The following MIOX variants were observed in gnomAD, a reference collection of about 807,000 sequenced individuals.
The protein encoded by MIOX is inositol oxygenase.
MIOX carries 51 observed loss-of-function variants against 42.7 expected under a neutral mutation model. The ratio of observed to expected loss-of-function variants is 1.19; its 90% CI spans 0.95 to 1.51. The LOEUF is 1.51. Among genes scored for constraint, MIOX ranks in the 40% most tolerant of loss-of-function variants. The pLI, the probability that MIOX is intolerant of heterozygous loss-of-function variation, is 0.00. For synonymous variants in MIOX, 168 were observed against 154.4 expected (o/e 1.09, Z -0.65); for missense variants, 395 against 381.3 (o/e 1.04, Z -0.30).
At chr22:50,489,332 G>C (rs551501349) in intron 7 of MIOX, 37 bp downstream of exon 7, 1 of 1,472,870 alleles carries the variant, frequency 6.8e-7, no homozygotes, top group African/African-American at 1.4e-5. Context: ...GGTGGGGGGC[G>C]GTGGGGGACG....
At chr22:50,488,187 C>T in intron 4 of MIOX, 88 bp from the exon 5 acceptor site, 2 of 1,593,744 alleles carry the variant, frequency 1.3e-6, no homozygotes, top group Non-Finnish European at 1.7e-6. Context: ...AGGCCCTGGA[C>T]CCTTCCTGGC....
intron 3 of MIOX, 57 bp from the exon 4 acceptor site, chr22:50,487,829 G>T (rs1168025607): frequency 3.7e-6 from 6 of 1,611,838 alleles, no homozygotes; most frequent in Non-Finnish European, 4.2e-6. Flanking sequence ...GGGATGGAGA[G>T]GCCTGTGTGG....
chr22:50,488,435 G>A lies in MIOX; in HGVS notation c.408+93G>A, dbSNP rs980727723. 1.2e-5 allele frequency: 13 copies of A among 1,088,498 alleles called. No homozygotes were observed. In the South Asian group the frequency reaches 1.9e-4, roughly 16 times the overall value. 67.4% of individuals were successfully genotyped at this position (1,088,498 alleles called of 1,614,324 possible). On this transcript the variant is annotated intron_variant, in intron 5 of 9. Coordinates refer to ENST00000216075, the MANE Select transcript of MIOX (RefSeq NM_017584.6). Reference sequence around the variant, plus strand: ...TGCTTGGCCTGGGATACTACCTGGGGGACAGGCCAGTGCACCCCCCACGGC... The same window carrying A: ...TGCTTGGCCTGGGATACTACCTGGGAGACAGGCCAGTGCACCCCCCACGGC...
Position 50,487,921 on chromosome 22 carries a change from G to T in MIOX, c.213G>T (p.Met71Ile), listed in dbSNP as rs747157778. 3.5e-5 allele frequency: 57 copies of T among 1,613,890 alleles called. 1 individual carries two copies. The highest frequency in any genetic ancestry group is 4.7e-5 in the Non-Finnish European group (56 of 1,179,936). Residue 71 changes from methionine to isoleucine, a missense_variant, in exon 4 of 10, where the codon ATG becomes ATT. Coordinates refer to ENST00000216075, the MANE Select transcript of MIOX (RefSeq NM_017584.6). ...AQFGGFSYKK[M>I]TVMEAVDLLD... ...TTGGGGGCTTCTCCTACAAGAAAAT[G>T]ACAGTCATGGAGGCCGTGGACCTGC...
At position 50,489,998 on chromosome 22, in the gene MIOX, C is replaced by A. The variant is rs761279314; in HGVS notation, c.*142C>A. 3 of 681,746 alleles carry A rather than the reference C, an allele frequency of 4.4e-6. No individual in the cohort carries two copies. Among genetic ancestry groups the A allele is most frequent in the Admixed American group, 2.6e-5 (1 of 38,200 alleles). The allele number at this position is 681,746 out of a possible 1,614,324, so 42.2% of individuals were successfully genotyped here. A position where few individuals can be genotyped will look rare whatever the true frequency, so the allele number is the denominator to read the frequency against. On this transcript the variant is annotated 3_prime_UTR_variant, in exon 10 of 10. Transcript: ENST00000216075. ...ACCCCCTTAGGGTCGCCACCCCTCA[C>A]GGCAACTTGTGCCTGGCGTCAATAA... is the stretch of plus-strand genomic sequence containing the variant.
At position 50,489,052 on chromosome 22, in the gene MIOX, G is replaced by A. The variant is rs757707616; in HGVS notation, c.421G>A (p.Gly141Ser). ...TGTCCCTCTGCAGTGGGCTGTCGTC[G>A]GCGACACCTTCCCCGTCGGATGCCG... ...LFGEPQWAVVGDTFPVGCRPQ... is the reference protein window; with the variant it reads ...LFGEPQWAVVSDTFPVGCRPQ... Residue 141 changes from glycine (G) to serine (S), a missense_variant, in exon 6 of 10, where the codon GGC becomes AGC. Transcript: ENST00000216075. The A allele has an allele frequency of 9.4e-5, 151 of 1,609,410 alleles. No homozygotes were observed. Among genetic ancestry groups the A allele is most frequent in the Middle Eastern group, 1.6e-4 (1 of 6,082 alleles).
Position 50,489,883 on chromosome 22 carries a change from G to T in MIOX, c.*27G>T, listed in dbSNP as rs202149960. On this transcript the variant is annotated 3_prime_UTR_variant, in exon 10 of 10. Transcript: ENST00000216075. ...CCTCCTGCCACCCAAGCTGCTGCTG[G>T]ACCTAGGCCTGGCCCTCCGCCTGCC... 8 of 1,599,180 alleles carry T rather than the reference G, an allele frequency of 5.0e-6. No individual in the cohort carries two copies. In the African/African-American group the frequency reaches 9.4e-5, roughly 19 times the overall value.
chr22:50,487,124 CGT>C (rs1257145670), intron 1 of MIOX, among the ~76,000 whole-genome samples: 1 of 152,228 alleles, frequency 6.6e-6, no homozygotes, highest in Non-Finnish European at 1.5e-5. Context: ...GCCGCTCAGG[CGT>C]GGTGTCCCCT....
rs1476058008 is a variant in MIOX at position 50,487,472 on chromosome 22, A to G, written c.96+7A>G. The G allele has an allele frequency of 6.2e-7, 1 of 1,611,212 alleles. No individual in the cohort carries two copies. The highest frequency in any genetic ancestry group is 1.3e-5 in the African/African-American group (1 of 74,762). The stretch of plus-strand genomic sequence containing the variant: ...CAGCTTCCGGAACTACACGGTGAGT[A>G]CCTTGCCGTCCTGCCCCCCTTCTCC... On this transcript the variant is annotated splice_region_variant and intron_variant, in intron 2 of 9. Coordinates refer to ENST00000216075, the MANE Select transcript of MIOX (RefSeq NM_017584.6).
rs200973608 is a variant in MIOX, at chr22:50,489,750, A to G, written c.752A>G (p.Lys251Arg). ...AMLPWVREFN[K>R]FDLYTKCPDL... ...CTCACCGCCCCTCCCTGCTGCAGCA[A>G]GTTCGACCTCTACACCAAGTGCCCG... is the stretch of plus-strand genomic sequence containing the variant. Residue 251 changes from lysine (K) to arginine (R), a missense_variant and splice_region_variant, in exon 10 of 10, where the codon AAG becomes AGG. By Grantham distance (26) the Lys-to-Arg change is conservative. Coordinates refer to ENST00000216075, the MANE Select transcript of MIOX (RefSeq NM_017584.6). 4.8e-5 allele frequency: 77 copies of G among 1,611,900 alleles called. No individual in the cohort carries two copies. The East Asian group carries it at 1.5e-3, about 31-fold the overall frequency.
rs1406137246 is a variant in MIOX, at chr22:50,487,956, T to A, written c.248T>A (p.Leu83Gln). 3 of 1,614,014 alleles carry A rather than the reference T, an allele frequency of 1.9e-6. No individual in the cohort carries two copies. Among genetic ancestry groups the A allele is most frequent in the Non-Finnish European group, 2.5e-6 (3 of 1,179,940 alleles). The change falls in exon 4 of 10, where the codon CTG becomes CAG. Residue 83 changes from leucine (L) to glutamine (Q), a missense_variant. Coordinates refer to ENST00000216075, the MANE Select transcript of MIOX (RefSeq NM_017584.6). ...GAGGCCGTGGACCTGCTGGATGGGC[T>A]GGTGGATGAGTCGGACCCGGACGTA... ...VMEAVDLLDG[L>Q]VDESDPDVDF...
At chr22:50,489,669 G>C (rs1280799522) in intron 9 of MIOX, 25 bp downstream of exon 9, 9 of 1,556,900 alleles carry the variant, frequency 5.8e-6, no homozygotes, top group Non-Finnish European at 7.9e-6. Context: ...CCGCCGAGGG[G>C]TGTTGTGGGA....
chr22:50,489,878 T>G lies in MIOX; in HGVS notation c.*22T>G. 6.2e-7 allele frequency: 1 copy of G among 1,601,950 alleles called. No homozygotes were observed. The highest frequency in any genetic ancestry group is 8.5e-7 in the Non-Finnish European group (1 of 1,174,484). ...GTGACCCTCCTGCCACCCAAGCTGC[T>G]GCTGGACCTAGGCCTGGCCCTCCGC... On this transcript the variant is annotated 3_prime_UTR_variant, in exon 10 of 10. Coordinates refer to ENST00000216075, the MANE Select transcript of MIOX (RefSeq NM_017584.6).
Position 50,489,598 on chromosome 22 carries a change from T to C in MIOX, c.703T>C (p.Cys235Arg), listed in dbSNP as rs767033338. 1 of 1,611,722 alleles carries C rather than the reference T, an allele frequency of 6.2e-7. No individual in the cohort carries two copies. The highest frequency in any genetic ancestry group is 8.5e-7 in the Non-Finnish European group (1 of 1,179,644). The change falls in exon 9 of 10, where the codon TGC becomes CGC. Residue 235 changes from cysteine to arginine, a missense_variant. Physicochemically the swap from Cys to Arg is radical, Grantham distance 180. Coordinates refer to ENST00000216075, the MANE Select transcript of MIOX (RefSeq NM_017584.6). ...WHTGRDYQQL[C>R]SQQDLAMLPW... Reference sequence around the variant, plus strand: ...CACGGGCCGCGACTACCAGCAGCTGTGCAGCCAGCAGGACCTGGCCATGCT... The same window carrying C: ...CACGGGCCGCGACTACCAGCAGCTGCGCAGCCAGCAGGACCTGGCCATGCT...
rs60045776 is a variant in MIOX, at chr22:50,488,896, C to T, written c.409-144C>T. The T allele has an allele frequency of 4.6e-3, 2,488 of 545,474 alleles. 8 individuals carry two copies. The highest frequency in any genetic ancestry group is 8.5e-3 in the South Asian group (445 of 52,232). The allele number at this position is 545,474 out of a possible 1,614,324, so 33.8% of individuals were successfully genotyped here. A position where few individuals can be genotyped will look rare whatever the true frequency, so the allele number is the denominator to read the frequency against. On this transcript the variant is annotated intron_variant, in intron 5 of 9. Coordinates refer to ENST00000216075, the MANE Select transcript of MIOX (RefSeq NM_017584.6). ...CCATGGCCGCCCGTCCCTCCTGTCC[C>T]TCTGCAGTGGGCAGTCATCGGTGAC... is the stretch of plus-strand genomic sequence containing the variant.
At position 50,490,220 on chromosome 22, in the gene MIOX, C is replaced by T; in HGVS notation, c.*364C>T. 1 of 300,706 alleles carries T rather than the reference C, an allele frequency of 3.3e-6. No individual in the cohort carries two copies. The highest frequency in any genetic ancestry group is 6.4e-6 in the Non-Finnish European group (1 of 155,232). The allele number at this position is 300,706 out of a possible 1,614,324, so 18.6% of individuals were successfully genotyped here. A position where few individuals can be genotyped will look rare whatever the true frequency, so the allele number is the denominator to read the frequency against. ...TGTCAGAGCCTGGGGGACGAGTCAC[C>T]CAGCTCACCCCCACATGCTCAAAAC... is the stretch of plus-strand genomic sequence containing the variant. On this transcript the variant is annotated 3_prime_UTR_variant, in exon 10 of 10. Transcript: ENST00000216075.
intron 4 of MIOX, 105 bp downstream of exon 4, chr22:50,488,153 G>A: frequency 6.3e-7 from 1 of 1,583,520 alleles, no homozygotes; most frequent in Non-Finnish European, 8.6e-7. Context: ...GCCTCCTCCA[G>A]CAGCCCTGCC....
At position 50,489,109 on chromosome 22, in the gene MIOX, A is replaced by G. The variant is rs1380946957; in HGVS notation, c.478A>G (p.Thr160Ala). The change falls in exon 6 of 10, where the codon ACC becomes GCC. Residue 160 changes from threonine (T) to alanine (A), a missense_variant. Thr to Ala is a moderately conservative substitution (Grantham distance 58). Transcript: ENST00000216075. The stretch of plus-strand genomic sequence containing the variant: ...GGCCTCCGTGGTTTTCTGCGACTCC[A>G]CCTTCCAGGACAACCCTGACCTCCA... ...PQASVVFCDSTFQDNPDLQDP... is the reference protein window; with the variant it reads ...PQASVVFCDSAFQDNPDLQDP... 19 of 1,611,974 alleles carry G rather than the reference A, an allele frequency of 1.2e-5. No individual in the cohort carries two copies. Among genetic ancestry groups the G allele is most frequent in the Non-Finnish European group, 1.4e-5 (17 of 1,179,634 alleles).
chr22:50,486,976 CGCCCTCTTCTAGCTGGCACTGGCCA>C lies in MIOX; in HGVS notation c.15+71_15+95del, dbSNP rs2068276618. The C allele has an allele frequency of 2.5e-6, 4 of 1,599,618 alleles. No individual in the cohort carries two copies. The African/African-American group carries it at 4.0e-5, about 16-fold the overall frequency. Reference sequence around the variant, plus strand: ...TGCTCTCCTGGTGGCCAGCCACTCCCGCCCTCTTCTAGCTGGCACTGGCCAGCCCTCCTCCTCCGTCCAGCTGGGC... The same window carrying C: ...TGCTCTCCTGGTGGCCAGCCACTCCCGCCCTCCTCCTCCGTCCAGCTGGGC... On this transcript the variant is annotated intron_variant, in intron 1 of 9. Transcript: ENST00000216075.
Sources: gnomAD v4.1 joint callset for allele counts (sites outside exome capture counted in the v4.1 genomes callset) on GRCh38, gnomAD v4.1.1 for gene constraint, MANE v1.5 for transcripts, NCBI Gene and HGNC (gene_info 2026-07-23, HGNC 2026-07-21) for gene names.